SLC11A2: variants seen among roughly 807,000 people sequenced by gnomAD.
SLC11A2 encodes natural resistance-associated macrophage protein 2.
In SLC11A2, 38 loss-of-function variants were observed where a neutral mutation model predicts 68.0. The ratio of observed to expected loss-of-function variants is 0.56; its 90% CI spans 0.43 to 0.73. The LOEUF is 0.73. Among genes scored for constraint, SLC11A2 ranks in the 30% least tolerant of loss-of-function variants. The pLI, the probability that SLC11A2 is intolerant of heterozygous loss-of-function variation, is 0.00. For synonymous variants in SLC11A2, 242 were observed against 250.6 expected, an observed-to-expected ratio of 0.97 and a Z score of 0.32; for missense variants, 517 against 690.5, an observed-to-expected ratio of 0.75 and a Z score of 2.82.
chr12:50,953,179 C>A, the SLC11A2 span, among the ~76,000 whole-genome samples: 5 of 152,326 alleles, frequency 3.3e-5, no homozygotes, highest in East Asian at 5.8e-4. Context: ...CCTGGCCTTA[C>A]AACAAACACC....
intron 8 of SLC11A2, 21 bp from the exon 9 acceptor site, chr12:50,996,993 G>T (rs1439699064): frequency 2.5e-6 from 4 of 1,610,726 alleles, no homozygotes; most frequent in African/African-American, 2.7e-5. Flanking sequence ...ACATAACAAT[G>T]ATTAGCCTTT....
the SLC11A2 span, among the ~76,000 whole-genome samples, chr12:50,955,550 T>C: frequency 1.3e-5 from 2 of 152,214 alleles, no homozygotes; most frequent in African/African-American, 4.8e-5. Flanking sequence ...TTTGCAAAAA[T>C]ATTAATTCCA....
chr12:50,959,801 C>A, the SLC11A2 span, among the ~76,000 whole-genome samples: 1 of 152,162 alleles, frequency 6.6e-6, no homozygotes, highest in Non-Finnish European at 1.5e-5. Flanking sequence ...GCATGTACCA[C>A]CACGCCCGGC....
In SLC11A2 at chr12:50,990,865, A is replaced by G; in HGVS notation, c.1505T>C (p.Leu502Pro). Reference sequence around the variant, plus strand: ...CACCACATATAATGCCACATGCCCTAGGTCCCGGACATAAACCACTACAAA... The same window carrying G: ...CACCACATATAATGCCACATGCCCTGGGTCCCGGACATAAACCACTACAAA... Reference protein sequence around the residue: ...MYFVVVYVRDLGHVALYVVAA... With the variant: ...MYFVVVYVRDPGHVALYVVAA... The change falls in exon 15 of 16, where the codon CTA becomes CCA. Residue 502 changes from leucine (L) to proline (P), a missense_variant. Leu to Pro is a moderately conservative substitution (Grantham distance 98, BLOSUM62 -3). Coordinates refer to ENST00000262052, the MANE Select transcript of SLC11A2 (RefSeq NM_000617.3). The G allele has an allele frequency of 6.2e-7, 1 of 1,614,114 alleles. No homozygotes were observed. The highest frequency in any genetic ancestry group is 1.3e-5 in the African/African-American group (1 of 75,050).
Position 50,987,059 on chromosome 12 carries a change from AGGCTC to A in SLC11A2, c.*1261_*1265del. 1 of 1,286,210 alleles carries A rather than the reference AGGCTC, an allele frequency of 7.8e-7. No individual in the cohort carries two copies. Among genetic ancestry groups the A allele is most frequent in the Non-Finnish European group, 1.0e-6 (1 of 988,130 alleles). 79.7% of individuals were successfully genotyped at this position (1,286,210 alleles called of 1,614,324 possible). A position where few individuals can be genotyped will look rare whatever the true frequency, so the allele number is the denominator to read the frequency against. ...TGATTTGAGATAATCACACAATCTCAGGCTCGGTATGTAAAAATGTCAGAAGTGGC... is the reference window on the plus strand; with the variant it reads ...TGATTTGAGATAATCACACAATCTCAGGTATGTAAAAATGTCAGAAGTGGC... On this transcript the variant is annotated 3_prime_UTR_variant, in exon 16 of 16. Coordinates refer to ENST00000262052, the MANE Select transcript of SLC11A2 (RefSeq NM_000617.3).
chr12:50,982,906 A>G (rs1289788133), downstream of SLC11A2, among the ~76,000 whole-genome samples: 1 of 145,096 alleles, frequency 6.9e-6, no homozygotes, highest in Non-Finnish European at 1.5e-5. Flanking sequence ...ATGCCACTGC[A>G]CTCCGGCCTG....
At chr12:50,981,475 C>A, downstream of SLC11A2, 1 of 395,270 alleles carries the variant, frequency 2.5e-6, no homozygotes, top group South Asian at 3.0e-5. Flanking sequence ...AGACACAAGC[C>A]CATAGGGGTG....
chr12:50,986,046 G>A lies in SLC11A2; in HGVS notation c.*2279C>T, dbSNP rs1351076255. 1 of 1,228,252 alleles carries A rather than the reference G, an allele frequency of 8.1e-7. No homozygotes were observed. Among genetic ancestry groups the A allele is most frequent in the Non-Finnish European group, 1.0e-6 (1 of 963,620 alleles). 76.1% of individuals were successfully genotyped at this position (1,228,252 alleles called of 1,614,324 possible). On this transcript the variant is annotated 3_prime_UTR_variant, in exon 16 of 16. Coordinates refer to ENST00000262052, the MANE Select transcript of SLC11A2 (RefSeq NM_000617.3). ...AACCAAGTTTACATACGGTTAAATGGTTACTAAAAGCTCAGTTGTAACCAC... is the reference window on the plus strand; with the variant it reads ...AACCAAGTTTACATACGGTTAAATGATTACTAAAAGCTCAGTTGTAACCAC...
the SLC11A2 span, among the ~76,000 whole-genome samples, chr12:50,957,561 T>A: frequency 6.6e-6 from 1 of 151,562 alleles, no homozygotes; most frequent in East Asian, 2.0e-4. Flanking sequence ...TTCTATATAC[T>A]AACAAGAAGC....
chr12:50,965,938 G>C, the SLC11A2 span, among the ~76,000 whole-genome samples: 1 of 152,140 alleles, frequency 6.6e-6, no homozygotes, highest in Non-Finnish European at 1.5e-5. Context: ...AGGAGCCCTG[G>C]CTCTTTATTG....
rs748493053 is a variant in SLC11A2, at chr12:50,999,228, T to C, written c.621A>G (p.Leu207=). Residue 207 remains leucine (L), a synonymous_variant, in exon 8 of 16, where the codon CTA becomes CTG. Transcript: ENST00000262052. ...LFLDKYGLRK[L]EAFFGFLITI... ...TGATGAGAAAGCCAAAAAATGCTTC[T>C]AGCTTCCGCAAGCCTAAAGGAAAAA... The C allele has an allele frequency of 2.9e-5, 46 of 1,614,010 alleles. No homozygotes were observed. Among genetic ancestry groups the C allele is most frequent in the Non-Finnish European group, 3.6e-5 (43 of 1,180,016 alleles).
intron 1 of SLC11A2, among the ~76,000 whole-genome samples, chr12:51,016,358 C>A (rs2136368630): frequency 6.6e-6 from 1 of 151,102 alleles, no homozygotes; most frequent in Admixed American, 6.6e-5. Context: ...ACCAGCCTGG[C>A]CAATATGGTG....
chr12:50,968,677 G>A, the SLC11A2 span, among the ~76,000 whole-genome samples: 2 of 151,972 alleles, frequency 1.3e-5, no homozygotes. Context: ...GAGTAGCTGG[G>A]ATTACAGGCA....
At position 51,026,352 on chromosome 12, in the gene SLC11A2, A is replaced by G. The variant is rs1944389796; in HGVS notation, c.-81T>C. The G allele has an allele frequency of 7.8e-6, 10 of 1,281,552 alleles. No homozygotes were observed. The highest frequency in any genetic ancestry group is 1.0e-5 in the Non-Finnish European group (10 of 984,402). The allele number at this position is 1,281,552 out of a possible 1,614,324, so 79.4% of individuals were successfully genotyped here. A position where few individuals can be genotyped will look rare whatever the true frequency, so the allele number is the denominator to read the frequency against. Reference sequence around the variant, plus strand: ...CACCTGACACGCCGCCCCCGCGCCCAGGGCTCCATATTCCGGGAGCCAGCG... The same window carrying G: ...CACCTGACACGCCGCCCCCGCGCCCGGGGCTCCATATTCCGGGAGCCAGCG... On this transcript the variant is annotated 5_prime_UTR_variant, in exon 1 of 16. Coordinates refer to ENST00000262052, the MANE Select transcript of SLC11A2 (RefSeq NM_000617.3).
chr12:50,976,592 A>C (rs1189388778), downstream of SLC11A2, among the ~76,000 whole-genome samples: 1 of 152,206 alleles, frequency 6.6e-6, no homozygotes, highest in Non-Finnish European at 1.5e-5. Flanking sequence ...CAAGACAGGG[A>C]TGCCCTCCCT....
the SLC11A2 span, among the ~76,000 whole-genome samples, chr12:50,957,185 C>T: frequency 6.6e-6 from 1 of 151,734 alleles, no homozygotes; most frequent in Non-Finnish European, 1.5e-5. Flanking sequence ...TCCAAACATG[C>T]TATCCACATA....
intron 6 of SLC11A2, chr12:50,999,673 GA>G: frequency 2.0e-6 from 1 of 491,902 alleles, no homozygotes; most frequent in South Asian, 2.1e-5. Context: ...TACCCTCATG[GA>G]GTTAGACAGA....
intron 1 of SLC11A2, chr12:51,024,426 C>T (rs1225545629): frequency 6.6e-6 from 1 of 152,230 alleles, no homozygotes; most frequent in Non-Finnish European, 1.5e-5. Flanking sequence ...CACACCACCC[C>T]AGCACTTCGG....
At chr12:50,980,014 T>G (rs752014448), downstream of SLC11A2, 1 of 448,838 alleles carries the variant, frequency 2.2e-6, no homozygotes, top group Middle Eastern at 7.1e-4. Flanking sequence ...TTACTTGAGC[T>G]CATGAGTTCA....
Sources: allele counts gnomAD v4.1 joint callset (sites outside exome capture counted in the v4.1 genomes callset), GRCh38; gene constraint gnomAD v4.1.1; transcripts MANE v1.5; gene names NCBI Gene and HGNC (gene_info 2026-07-23, HGNC 2026-07-21).